Variants in LAMA2 observed in about 807,000 individuals in gnomAD.
LAMA2 encodes laminin subunit alpha 2.
Under a neutral mutation model 364.8 loss-of-function variants are expected in LAMA2, and 269 were observed. The ratio of observed to expected loss-of-function variants is 0.74; its 90% CI spans 0.67 to 0.82. The LOEUF (loss-of-function observed/expected upper bound fraction) is 0.82, where lower values mean the gene tolerates loss of function less well. Among genes scored for constraint, LAMA2 ranks in the 40% least tolerant of loss-of-function variants. The pLI, the probability that LAMA2 is intolerant of heterozygous loss-of-function variation, is 0.00. For synonymous variants in LAMA2, 1,379 were observed against 1,370.6 expected, an observed-to-expected ratio of 1.01 and a Z score of -0.14; for missense variants, 3,807 against 3,873.2, an observed-to-expected ratio of 0.98 and a Z score of 0.45.
intron 3 of LAMA2, among the ~76,000 whole-genome samples, chr6:129,077,777 G>T (rs1043960709): frequency 2.6e-5 from 4 of 152,026 alleles, no homozygotes; most frequent in Non-Finnish European, 5.9e-5. Context: ...TTCTTTTTCT[G>T]GAAGCTGTTG....
chr6:128,992,878 C>T (rs1299177610), intron 1 of LAMA2, among the ~76,000 whole-genome samples: 1 of 152,074 alleles, frequency 6.6e-6, no homozygotes, highest in African/African-American at 2.4e-5. Context: ...GAAGAGAAAG[C>T]TATAACTAAA....
In LAMA2 at chr6:129,125,430, A is replaced by C. The variant is rs142061692; in HGVS notation, c.640-18471A>C. Among the ~76,000 whole-genome samples the C allele has an allele frequency of 7.9e-4, 121 of 152,332 alleles. 1 individual carries two copies. The highest frequency in any genetic ancestry group is 2.8e-3 in the African/African-American group (117 of 41,580). ...GAAGACCTAGAAAAGTAACAGTCTG[A>C]GAACTGAGCTCTAAGGAACATCTAC... On this transcript the variant is annotated intron_variant, in intron 4 of 64. Coordinates refer to ENST00000421865, the MANE Select transcript of LAMA2 (RefSeq NM_000426.4).
At chr6:128,968,962 A>AGGAGACAAGGGTT (rs1455337750) in intron 1 of LAMA2, among the ~76,000 whole-genome samples, 1 of 152,206 alleles carries the variant, frequency 6.6e-6, no homozygotes, top group African/African-American at 2.4e-5. Context: ...ACAGATCATA[A>AGGAGACAAGGGTT]GGAGACAAGG....
intron 12 of LAMA2, among the ~76,000 whole-genome samples, chr6:129,195,637 G>A (rs1031538823): frequency 1.3e-5 from 2 of 152,080 alleles, no homozygotes; most frequent in Non-Finnish European, 2.9e-5. Context: ...TTCCCGCCTC[G>A]TTCTTGATAG....
chr6:129,269,037 A>T (rs992531487), intron 16 of LAMA2, among the ~76,000 whole-genome samples: 2 of 152,110 alleles, frequency 1.3e-5, no homozygotes, highest in Non-Finnish European at 2.9e-5. Context: ...CCCAGCATTA[A>T]GTAGCATGGT....
At chr6:128,978,651 T>G (rs1441307869) in intron 1 of LAMA2, among the ~76,000 whole-genome samples, 2 of 152,096 alleles carry the variant, frequency 1.3e-5, no homozygotes, top group African/African-American at 4.8e-5. Context: ...TTGCTTGCAG[T>G]CTTTGGAGGA....
At chr6:128,920,369 G>A (rs1210924462) in intron 1 of LAMA2, among the ~76,000 whole-genome samples, 1 of 151,892 alleles carries the variant, frequency 6.6e-6, no homozygotes, top group East Asian at 1.9e-4. Context: ...TGTTGGCCAT[G>A]TTGGTCTCGA....
chr6:129,038,597 A>T (rs1381022988), intron 1 of LAMA2, among the ~76,000 whole-genome samples: 1 of 152,148 alleles, frequency 6.6e-6, no homozygotes, highest in Admixed American at 6.5e-5. Flanking sequence ...TTTCTCTTTC[A>T]TTCCTCTGAT....
chr6:129,052,296 C>T (rs576510615), intron 2 of LAMA2, among the ~76,000 whole-genome samples: 3 of 146,908 alleles, frequency 2.0e-5, no homozygotes, highest in South Asian at 2.1e-4. Flanking sequence ...TTGCCACGCC[C>T]GGCTAATTCT....
chr6:129,010,849 G>A (rs891447505), intron 1 of LAMA2, among the ~76,000 whole-genome samples: 1 of 152,084 alleles, frequency 6.6e-6, no homozygotes, highest in African/African-American at 2.4e-5. Flanking sequence ...AGCAAATCTT[G>A]TATGATTTTT....
chr6:129,166,963 T>G (rs1250973806), intron 9 of LAMA2, among the ~76,000 whole-genome samples: 1 of 152,146 alleles, frequency 6.6e-6, no homozygotes, highest in East Asian at 1.9e-4. Flanking sequence ...TTAAGATTGT[T>G]TCAAATTTTT....
At chr6:129,417,656 C>A (rs1007830594) in intron 40 of LAMA2, among the ~76,000 whole-genome samples, 1 of 152,096 alleles carries the variant, frequency 6.6e-6, no homozygotes, top group South Asian at 2.1e-4. Context: ...CCACGGCGCC[C>A]ACTGGCACCC....
intron 12 of LAMA2, among the ~76,000 whole-genome samples, chr6:129,241,680 G>C (rs562806207): frequency 1.3e-3 from 194 of 152,198 alleles, no homozygotes; most frequent in African/African-American, 4.5e-3. Context: ...TTTTTTGTGT[G>C]ATTTATATAT....
At chr6:128,966,627 A>G (rs1781860370) in intron 1 of LAMA2, among the ~76,000 whole-genome samples, 1 of 12,328 alleles carries the variant, frequency 8.1e-5, no homozygotes, top group African/African-American at 2.5e-4. Flanking sequence ...ATAGACTGAA[A>G]AATTCTTATT....
At chr6:129,254,862 T>C (rs1383660619) in intron 14 of LAMA2, among the ~76,000 whole-genome samples, 1 of 152,180 alleles carries the variant, frequency 6.6e-6, no homozygotes, top group Non-Finnish European at 1.5e-5. Flanking sequence ...GAAGCACCTA[T>C]ATTAGATATA....
chr6:129,311,547 G>T (rs907272919), intron 22 of LAMA2, among the ~76,000 whole-genome samples: 7 of 152,316 alleles, frequency 4.6e-5, no homozygotes, highest in Non-Finnish European at 1.0e-4. Context: ...TGTCTACGGG[G>T]TCTACCTACT....
At chr6:129,359,307 A>C (rs1777329390) in intron 32 of LAMA2, among the ~76,000 whole-genome samples, 1 of 148,840 alleles carries the variant, frequency 6.7e-6, no homozygotes, top group South Asian at 2.1e-4. Context: ...AAATATATAC[A>C]TATAAAACAC....
intron 1 of LAMA2, among the ~76,000 whole-genome samples, chr6:129,041,699 C>T (rs559639823): frequency 3.3e-5 from 5 of 152,166 alleles, no homozygotes; most frequent in East Asian, 1.9e-4. Context: ...ACTATGTACT[C>T]GAAATCTAGA....
chr6:129,445,339 G>A (rs1253115526), intron 44 of LAMA2, among the ~76,000 whole-genome samples: 2 of 152,140 alleles, frequency 1.3e-5, no homozygotes, highest in Non-Finnish European at 2.9e-5. Context: ...TGTGACTAAA[G>A]TTCTATTCTG....
Sources: gnomAD v4.1 joint callset for allele counts (sites outside exome capture counted in the v4.1 genomes callset) on GRCh38, gnomAD v4.1.1 for gene constraint, MANE v1.5 for transcripts, NCBI Gene and HGNC (gene_info 2026-07-23, HGNC 2026-07-21) for gene names.